DRC11: variants seen among roughly 807,000 people sequenced by gnomAD.
The protein encoded by DRC11 is dynein regulatory complex subunit 11.
the DRC11 span, among the ~76,000 whole-genome samples, chr2:236,366,289 CAGG>C: frequency 6.6e-6 from 1 of 152,186 alleles, no homozygotes; most frequent in African/African-American, 2.4e-5. Context: ...TGTAAGCGGC[CAGG>C]AGATGTTCTC....
chr2:236,383,822 A>T, the DRC11 span, among the ~76,000 whole-genome samples: 4 of 92,438 alleles, frequency 4.3e-5, no homozygotes. Flanking sequence ...CACTCCCCCC[A>T]CCCCACAACA....
the DRC11 span, among the ~76,000 whole-genome samples, chr2:236,492,389 C>T: frequency 6.6e-6 from 1 of 152,230 alleles, no homozygotes; most frequent in African/African-American, 2.4e-5. Context: ...GCATGCATTT[C>T]ACCTCTCTTC....
chr2:236,338,291 C>G, the DRC11 span: 9 of 1,613,918 alleles, frequency 5.6e-6, no homozygotes, highest in African/African-American at 1.3e-5. Context: ...ATCGAAGGGA[C>G]GCCGTGTGGT....
chr2:236,335,166 C>T, the DRC11 span, among the ~76,000 whole-genome samples: 93 of 152,270 alleles, frequency 6.1e-4, no homozygotes, highest in African/African-American at 1.9e-3. This position sits in a 1 kb window ranked among gnomAD's most constrained non-coding sequence, Gnocchi z 5.6. Context: ...AGCTCCATTG[C>T]GGGTGGAGAG....
the DRC11 span, among the ~76,000 whole-genome samples, chr2:236,308,731 C>T: frequency 1.3e-5 from 2 of 152,206 alleles, no homozygotes; most frequent in African/African-American, 4.8e-5. This position sits in a 1 kb window ranked among gnomAD's most constrained non-coding sequence, Gnocchi z 6.0. Flanking sequence ...GTATATACCA[C>T]ATTCTTTTAA....
chr2:236,485,919 C>T, the DRC11 span, among the ~76,000 whole-genome samples: 3 of 152,190 alleles, frequency 2.0e-5, no homozygotes, highest in African/African-American at 7.2e-5. Flanking sequence ...CTAAGATGGT[C>T]CCAGTGACCC....
chr2:236,319,129 C>T, the DRC11 span, among the ~76,000 whole-genome samples: 1 of 152,256 alleles, frequency 6.6e-6, no homozygotes, highest in Admixed American at 6.5e-5. This position sits in a 1 kb window ranked among gnomAD's most constrained non-coding sequence, Gnocchi z 6.7. Context: ...CCTCCTTCTT[C>T]ATCGCAGCCT....
chr2:236,425,128 G>A, the DRC11 span, among the ~76,000 whole-genome samples: 1 of 152,060 alleles, frequency 6.6e-6, no homozygotes, highest in Non-Finnish European at 1.5e-5. Flanking sequence ...GAACATGGTA[G>A]TGCAGACATC....
chr2:236,433,414 G>A, the DRC11 span, among the ~76,000 whole-genome samples: 1 of 152,076 alleles, frequency 6.6e-6, no homozygotes, highest in African/African-American at 2.4e-5. Flanking sequence ...CCATTTCTTC[G>A]CATCCCTCAG....
the DRC11 span, chr2:236,377,248 T>C: frequency 6.2e-6 from 6 of 961,852 alleles, no homozygotes; most frequent in Non-Finnish European, 1.0e-5. This position sits in a 1 kb window ranked among gnomAD's most constrained non-coding sequence, Gnocchi z 4.9. Context: ...GTATTTCTGT[T>C]AATGATCACA....
chr2:236,331,739 C>A, the DRC11 span: 1 of 644,458 alleles, frequency 1.6e-6, no homozygotes, highest in Non-Finnish European at 2.7e-6. This position sits in a 1 kb window ranked among gnomAD's most constrained non-coding sequence, Gnocchi z 4.8. Context: ...TCAAATGAAC[C>A]GAAGCCAAGT....
the DRC11 span, chr2:236,392,008 G>A: frequency 9.3e-6 from 15 of 1,613,762 alleles, no homozygotes; most frequent in Middle Eastern, 3.3e-4. This position sits in a 1 kb window ranked among gnomAD's most constrained non-coding sequence, Gnocchi z 5.1. Flanking sequence ...TTCACTGGGC[G>A]CTCCCTTTCT....
At chr2:236,357,279 T>C in the DRC11 span, among the ~76,000 whole-genome samples, 1 of 101,526 alleles carries the variant, frequency 9.8e-6, no homozygotes, top group South Asian at 2.8e-4. Context: ...ATACATATAT[T>C]ATATATTTAT....
the DRC11 span, among the ~76,000 whole-genome samples, chr2:236,452,117 T>C: frequency 1.3e-5 from 2 of 152,206 alleles, no homozygotes; most frequent in African/African-American, 4.8e-5. The surrounding 1 kb of genome is among the most constrained non-coding windows in gnomAD (Gnocchi z 4.7). Context: ...TTGCAAAAGC[T>C]GGATAAGAGA....
chr2:236,447,241 G>A, the DRC11 span, among the ~76,000 whole-genome samples: 2 of 151,612 alleles, frequency 1.3e-5, no homozygotes, highest in African/African-American at 2.4e-5. This position sits in a 1 kb window ranked among gnomAD's most constrained non-coding sequence, Gnocchi z 4.6. Context: ...CTCAGGATGC[G>A]ACCAGGTTGG....
the DRC11 span, among the ~76,000 whole-genome samples, chr2:236,459,619 A>T: frequency 2.9e-4 from 40 of 138,528 alleles, 1 homozygote; most frequent in African/African-American, 1.1e-3. Flanking sequence ...GTATATAAGT[A>T]TATACATACG....
the DRC11 span, among the ~76,000 whole-genome samples, chr2:236,412,116 G>A: frequency 6.6e-6 from 1 of 152,070 alleles, no homozygotes; most frequent in Non-Finnish European, 1.5e-5. Context: ...GGCTGGTCTC[G>A]AACTTCTGGA....
the DRC11 span, chr2:236,497,303 G>C: frequency 1.2e-6 from 2 of 1,613,880 alleles, no homozygotes; most frequent in Non-Finnish European, 1.7e-6. This position sits in a 1 kb window ranked among gnomAD's most constrained non-coding sequence, Gnocchi z 5.1. Flanking sequence ...CGTTTCTGGG[G>C]GTGGACGAAC....
chr2:236,362,881 TAAGGG>T, the DRC11 span, among the ~76,000 whole-genome samples: 1 of 152,172 alleles, frequency 6.6e-6, no homozygotes, highest in Admixed American at 6.5e-5. This position sits in a 1 kb window ranked among gnomAD's most constrained non-coding sequence, Gnocchi z 5.7. Context: ...ACCACGTGGC[TAAGGG>T]AAGAAATCCT....
Sources: gnomAD v4.1 joint callset for allele counts (sites outside exome capture counted in the v4.1 genomes callset) on GRCh38, gnomAD v4.1.1 for gene constraint, Gnocchi (gnomAD v3.1) non-coding constraint, MANE v1.5 for transcripts, NCBI Gene and HGNC (gene_info 2026-07-23, HGNC 2026-07-21) for gene names.